GGACT: variants seen among roughly 807,000 people sequenced by gnomAD.
GGACT encodes the protein gamma-glutamylamine cyclotransferase, also known as gamma-glutamylaminecyclotransferase.
For synonymous variants in GGACT, 118 were observed against 115.3 expected, an observed-to-expected ratio of 1.02 and a Z score of -0.15; for missense variants, 241 against 233.2, an observed-to-expected ratio of 1.03 and a Z score of -0.22.
chr13:100,568,462 G>C (rs902768998), intron 2 of GGACT, among the ~76,000 whole-genome samples: 49 of 152,246 alleles, frequency 3.2e-4, no homozygotes, highest in African/African-American at 1.2e-3. Context: ...AAAAGCATCA[G>C]ATTTTGTGAG....
intron 2 of GGACT, among the ~76,000 whole-genome samples, chr13:100,573,716 A>G (rs1347673036): frequency 6.6e-6 from 1 of 152,066 alleles, no homozygotes; most frequent in Non-Finnish European, 1.5e-5. Context: ...AAACAAATAA[A>G]CCCATTAAAA....
In GGACT at chr13:100,564,447, G is replaced by A. The variant is rs943265070; in HGVS notation, c.-11+19378C>T. On this transcript the variant is annotated intron_variant, in intron 2 of 2. Coordinates refer to ENST00000683975, the MANE Select transcript of GGACT (RefSeq NM_001195087.2). The stretch of plus-strand genomic sequence containing the variant: ...AATTTTCCAAGTATTAAAGATTGAA[G>A]ATTTGTATAAACATCTTTTTTAAAA... 4.7e-4 allele frequency among the ~76,000 whole-genome samples: 72 copies of A among 152,206 alleles called. 1 individual carries two copies. The highest frequency in any genetic ancestry group is 1.6e-3 in the African/African-American group (65 of 41,534).
intron 2 of GGACT, among the ~76,000 whole-genome samples, chr13:100,559,526 G>C (rs2088739527): frequency 6.6e-6 from 1 of 150,590 alleles, no homozygotes; most frequent in Non-Finnish European, 1.5e-5. Context: ...ACAGAGTCTT[G>C]CTCGGTCGCC....
chr13:100,574,931 C>T (rs577921687), intron 2 of GGACT, among the ~76,000 whole-genome samples: 2 of 152,088 alleles, frequency 1.3e-5, no homozygotes, highest in East Asian at 3.9e-4. Flanking sequence ...CCAAATCTTC[C>T]CTACACTTGG....
In GGACT at chr13:100,532,106, C is replaced by A; in HGVS notation, c.*24G>T. On this transcript the variant is annotated 3_prime_UTR_variant, in exon 3 of 3. Coordinates refer to ENST00000683975, the MANE Select transcript of GGACT (RefSeq NM_001195087.2). ...TCTTGGAGCCCCAGGGCTCTCAAAC[C>A]TAGGCCCACCCTGCCCGTCCCCCTT... 4 of 1,428,806 alleles carry A rather than the reference C, an allele frequency of 2.8e-6. No individual in the cohort carries two copies. The highest frequency in any genetic ancestry group is 3.7e-6 in the Non-Finnish European group (4 of 1,085,250). 88.5% of individuals were successfully genotyped at this position (1,428,806 alleles called of 1,614,324 possible). A position where few individuals can be genotyped will look rare whatever the true frequency, so the allele number is the denominator to read the frequency against.
At chr13:100,569,594 G>A (rs1228334038) in intron 2 of GGACT, among the ~76,000 whole-genome samples, 2 of 152,252 alleles carry the variant, frequency 1.3e-5, no homozygotes, top group African/African-American at 4.8e-5. Flanking sequence ...GGGAGGGGCT[G>A]CTGAGAATGT....
At chr13:100,576,669 A>T (rs1875256179) in intron 2 of GGACT, among the ~76,000 whole-genome samples, 1 of 152,246 alleles carries the variant, frequency 6.6e-6, no homozygotes, top group African/African-American at 2.4e-5. Flanking sequence ...CAAAGGTTGC[A>T]TATTATATCA....
intron 2 of GGACT, among the ~76,000 whole-genome samples, chr13:100,575,650 G>C (rs765774891): frequency 1.3e-5 from 2 of 152,180 alleles, no homozygotes; most frequent in Non-Finnish European, 2.9e-5. Flanking sequence ...TGTGGTCCCA[G>C]CTACTTGGGA....
rs115888689 is a variant in GGACT, at chr13:100,531,541, C to T, written c.*589G>A. 6,734 of 152,302 alleles carry T rather than the reference C, an allele frequency of 0.044. 511 individuals carry two copies. The highest frequency in any genetic ancestry group is 0.15 in the African/African-American group (6,326 of 41,530). 9.4% of individuals were successfully genotyped at this position (152,302 alleles called of 1,614,324 possible). A position where few individuals can be genotyped will look rare whatever the true frequency, so the allele number is the denominator to read the frequency against. ...AAAACGTGGGGGTCAAACACAGTAC[C>T]AACACTTTTATATCTGATTTCCCAA... On this transcript the variant is annotated 3_prime_UTR_variant, in exon 3 of 3. Transcript: ENST00000683975.
In GGACT at chr13:100,532,476, G is replaced by T; in HGVS notation, c.116C>A (p.Pro39His). 1 of 1,549,544 alleles carries T rather than the reference G, an allele frequency of 6.5e-7. No homozygotes were observed. The highest frequency in any genetic ancestry group is 8.7e-7 in the Non-Finnish European group (1 of 1,146,578). The change falls in exon 3 of 3, where the codon CCC (proline) becomes CAC (histidine). Residue 39 changes from proline to histidine, a missense_variant. Physicochemically the swap from Pro to His is moderately conservative, Grantham distance 77 (BLOSUM62 -2). Transcript: ENST00000683975. ...AFRARGRTLEPYPLVIAGEHN... is the reference protein window; with the variant it reads ...AFRARGRTLEHYPLVIAGEHN... ...CTCCCCCGCGATCACCAACGGGTAG[G>T]GCTCCAGCGTGCGGCCGCGCGCCCG...
chr13:100,550,316 A>T (rs1256323597), intron 2 of GGACT, among the ~76,000 whole-genome samples: 6 of 97,262 alleles, frequency 6.2e-5, no homozygotes, highest in Non-Finnish European at 1.0e-4. Flanking sequence ...ACACACACAC[A>T]CACACACACA....
chr13:100,540,161 C>G, intron 2 of GGACT: 1 of 1,580,108 alleles, frequency 6.3e-7, no homozygotes, highest in Non-Finnish European at 8.6e-7. Context: ...TCCTTGGGCA[C>G]GCATCGGGCA....
intron 2 of GGACT, among the ~76,000 whole-genome samples, chr13:100,549,601 G>A (rs537612553): frequency 5.4e-4 from 83 of 152,368 alleles, no homozygotes; most frequent in African/African-American, 2.0e-3. Context: ...GCCAGACTCC[G>A]CCTCCAGTGG....
intron 2 of GGACT, among the ~76,000 whole-genome samples, chr13:100,575,599 T>C (rs915342842): frequency 1.3e-5 from 2 of 152,130 alleles, no homozygotes; most frequent in East Asian, 1.9e-4. Flanking sequence ...GCTCCATCTC[T>C]ACAAAAAATT....
Position 100,532,071 on chromosome 13 carries a change from G to C in GGACT, c.*59C>G, listed in dbSNP as rs904629337. On this transcript the variant is annotated 3_prime_UTR_variant, in exon 3 of 3. Coordinates refer to ENST00000683975, the MANE Select transcript of GGACT (RefSeq NM_001195087.2). Reference sequence around the variant, plus strand: ...CGGCTTCCGCCTTCACCCAGCATGGGCTGGGCGCATCTTGGAGCCCCAGGG... The same window carrying C: ...CGGCTTCCGCCTTCACCCAGCATGGCCTGGGCGCATCTTGGAGCCCCAGGG... 5 of 1,284,158 alleles carry C rather than the reference G, an allele frequency of 3.9e-6. No individual in the cohort carries two copies. Among genetic ancestry groups the C allele is most frequent in the Non-Finnish European group, 5.2e-6 (5 of 967,710 alleles). 79.5% of individuals were successfully genotyped at this position (1,284,158 alleles called of 1,614,324 possible).
At chr13:100,549,288 G>A (rs1262020324) in intron 2 of GGACT, among the ~76,000 whole-genome samples, 3 of 152,222 alleles carry the variant, frequency 2.0e-5, no homozygotes, top group African/African-American at 7.2e-5. Context: ...GCAGTGAGCC[G>A]AGATTGTGCC....
chr13:100,535,471 A>C (rs1453527836), intron 2 of GGACT, among the ~76,000 whole-genome samples: 1 of 152,220 alleles, frequency 6.6e-6, no homozygotes, highest in Non-Finnish European at 1.5e-5. Flanking sequence ...TCTGTGCCTC[A>C]GCTTCCTCAA....
intron 2 of GGACT, among the ~76,000 whole-genome samples, chr13:100,542,377 T>G (rs2088563566): frequency 6.6e-6 from 1 of 152,164 alleles, no homozygotes; most frequent in Non-Finnish European, 1.5e-5. Context: ...GCCTTACTCT[T>G]AACAGATCCA....
In GGACT at chr13:100,532,576, C is replaced by G; in HGVS notation, c.16G>C (p.Val6Leu). ...TGACCCCGCTTCAGGGTGCCGTACA[C>G]GAAGACTAGGGCCATCCGGGCAGAG... The part of the protein sequence containing the change: MALVF[V>L]YGTLKRGQPN... The change falls in exon 3 of 3, where the codon GTG becomes CTG. Residue 6 changes from valine (V) to leucine (L), a missense_variant. Val to Leu is a conservative substitution (Grantham distance 32, BLOSUM62 1). Transcript: ENST00000683975. 6.5e-7 allele frequency: 1 copy of G among 1,545,342 alleles called. No individual in the cohort carries two copies. Among genetic ancestry groups the G allele is most frequent in the Non-Finnish European group, 8.7e-7 (1 of 1,143,702 alleles).
Sources: allele counts gnomAD v4.1 joint callset (sites outside exome capture counted in the v4.1 genomes callset), GRCh38; gene constraint gnomAD v4.1.1; transcripts MANE v1.5; gene names NCBI Gene and HGNC (gene_info 2026-07-23, HGNC 2026-07-21).